Variants in COLEC12 observed in about 807,000 individuals in gnomAD.
The protein encoded by COLEC12 is collectin subfamily member 12, also known as collectin-12.
COLEC12 carries 33 observed loss-of-function variants against 71.1 expected under a neutral mutation model. The ratio of observed to expected loss-of-function variants is 0.46; its 90% CI spans 0.35 to 0.62. The LOEUF (loss-of-function observed/expected upper bound fraction) is 0.62. Ranked by LOEUF, COLEC12 falls within the 20% of genes least tolerant of loss-of-function variation. COLEC12 has a pLI of 0.00. For synonymous variants in COLEC12, 350 were observed against 353.0 expected (o/e 0.99, Z 0.10); for missense variants, 765 against 916.1 (o/e 0.84, Z 2.13).
At chr18:418,220 G>A (rs1331217952) in intron 2 of COLEC12, among the ~76,000 whole-genome samples, 1 of 152,082 alleles carries the variant, frequency 6.6e-6, no homozygotes, top group Non-Finnish European at 1.5e-5. Flanking sequence ...GTAGATAATG[G>A]GTATGGAGAT....
At chr18:320,557 T>C (rs1489638310) in intron 9 of COLEC12, among the ~76,000 whole-genome samples, 1 of 152,256 alleles carries the variant, frequency 6.6e-6, no homozygotes, top group Non-Finnish European at 1.5e-5. Flanking sequence ...AAAATATATT[T>C]GAGGTTTTTG....
At position 425,840 on chromosome 18, in the gene COLEC12, C is replaced by T. The variant is rs1369571868; in HGVS notation, c.58+54867G>A. Among the ~76,000 whole-genome samples, 7 of 152,150 alleles carry T rather than the reference C, an allele frequency of 4.6e-5. No individual in the cohort carries two copies. In the East Asian group the frequency reaches 1.3e-3, roughly 29 times the overall value. ...CCTGGTGAGTTTAAGAACTCACCAC[C>T]CCATCTCTTGTTCCACAGCCTCCTC... On this transcript the variant is annotated intron_variant, in intron 2 of 9. Transcript: ENST00000400256.
At position 479,307 on chromosome 18, in the gene COLEC12, C is replaced by T. The variant is rs540183753; in HGVS notation, c.58+1400G>A. ...AGGGGCGACGGGGCTGCACGCGGGC[C>T]GCTCTGCCAGGGAACCAACGCAGGA... On this transcript the variant is annotated intron_variant, in intron 2 of 9. Coordinates refer to ENST00000400256, the MANE Select transcript of COLEC12 (RefSeq NM_130386.3). Among the ~76,000 whole-genome samples the T allele has an allele frequency of 7.4e-4, 112 of 152,256 alleles. 2 individuals are homozygous for T. In the East Asian group the frequency reaches 8.7e-3, roughly 12 times the overall value.
At chr18:369,026 T>G (rs1007068074) in intron 2 of COLEC12, among the ~76,000 whole-genome samples, 1 of 152,206 alleles carries the variant, frequency 6.6e-6, no homozygotes, top group African/African-American at 2.4e-5. Flanking sequence ...GACTTTATAT[T>G]GGTAGCATGA....
intron 2 of COLEC12, among the ~76,000 whole-genome samples, chr18:380,659 G>A (rs941546254): frequency 6.6e-6 from 1 of 152,054 alleles, no homozygotes; most frequent in Non-Finnish European, 1.5e-5. Context: ...TAGGGGTGTG[G>A]GTTCCAGGTG....
intron 8 of COLEC12, among the ~76,000 whole-genome samples, chr18:322,765 G>GTC (rs941820037): frequency 1.2e-4 from 18 of 152,110 alleles, no homozygotes; most frequent in Non-Finnish European, 1.5e-4. Context: ...GCCACAGGGT[G>GTC]TCCTCGGGTC....
intron 2 of COLEC12, among the ~76,000 whole-genome samples, chr18:413,712 T>G (rs1382409612): frequency 6.6e-6 from 1 of 152,250 alleles, no homozygotes; most frequent in Non-Finnish European, 1.5e-5. Context: ...GTTTTATTCA[T>G]AATGCCCCCA....
Position 317,465 on chromosome 18 carries a change from G to A in COLEC12, c.*2580C>T, listed in dbSNP as rs1189416887. On this transcript the variant is annotated 3_prime_UTR_variant, in exon 10 of 10. Coordinates refer to ENST00000400256, the MANE Select transcript of COLEC12 (RefSeq NM_130386.3). The stretch of plus-strand genomic sequence containing the variant: ...CACCTCCCCAAGCCCCAGTCCCTGT[G>A]AAATGGGGAGTGTAGTAAGACCTGC... The A allele has an allele frequency of 6.6e-6, 1 of 152,256 alleles. No individual in the cohort carries two copies. The highest frequency in any genetic ancestry group is 1.5e-5 in the Non-Finnish European group (1 of 68,114). 9.4% of individuals were successfully genotyped at this position (152,256 alleles called of 1,614,324 possible).
At position 480,801 on chromosome 18, in the gene COLEC12, A is replaced by C. The variant is rs59735524; in HGVS notation, c.8-44T>G. ...CACGATGTTAATCCTGGCAAGGGGCACAGAAGCAGAGGGTGGGGCAGGATG... is the reference window on the plus strand; with the variant it reads ...CACGATGTTAATCCTGGCAAGGGGCCCAGAAGCAGAGGGTGGGGCAGGATG... On this transcript the variant is annotated intron_variant, in intron 1 of 9. Coordinates refer to ENST00000400256, the MANE Select transcript of COLEC12 (RefSeq NM_130386.3). The surrounding 1 kb of genome is among the most constrained non-coding windows in gnomAD (Gnocchi z 4.1). 34,362 of 1,560,678 alleles carry C rather than the reference A, an allele frequency of 0.022. 1,220 individuals are homozygous for C. Among genetic ancestry groups the C allele is most frequent in the East Asian group, 0.19 (8,660 of 44,608 alleles).
intron 2 of COLEC12, among the ~76,000 whole-genome samples, chr18:359,349 A>AT (rs766358937): frequency 2.0e-5 from 3 of 152,224 alleles, no homozygotes; most frequent in African/African-American, 4.8e-5. Flanking sequence ...GTTGTAATGT[A>AT]TTATAACCTA....
At chr18:365,243 G>T (rs192134346) in intron 2 of COLEC12, among the ~76,000 whole-genome samples, 1 of 152,292 alleles carries the variant, frequency 6.6e-6, no homozygotes, top group Admixed American at 6.5e-5. Flanking sequence ...ACATACTTAA[G>T]CAGCAAGTAA....
chr18:461,163 C>T (rs1316263049), intron 2 of COLEC12, among the ~76,000 whole-genome samples: 1 of 152,058 alleles, frequency 6.6e-6, no homozygotes, highest in African/African-American at 2.4e-5. Flanking sequence ...AAAAAACATG[C>T]CTTGAAAATC....
chr18:348,925 T>C (rs1326530740), intron 3 of COLEC12, among the ~76,000 whole-genome samples: 1 of 152,176 alleles, frequency 6.6e-6, no homozygotes, highest in African/African-American at 2.4e-5. Context: ...CTAATTCCCA[T>C]GTGTTGTGGG....
chr18:345,070 C>T (rs1340562552), intron 5 of COLEC12, among the ~76,000 whole-genome samples: 1 of 152,184 alleles, frequency 6.6e-6, no homozygotes, highest in African/African-American at 2.4e-5. Flanking sequence ...GACTCAGGCC[C>T]TTGTGTAATC....
intron 2 of COLEC12, among the ~76,000 whole-genome samples, chr18:456,312 C>G (rs1254917515): frequency 6.6e-6 from 1 of 152,180 alleles, no homozygotes; most frequent in African/African-American, 2.4e-5. Flanking sequence ...GTTCCACAAC[C>G]TTCATACAAA....
chr18:432,431 T>C (rs1916322213), intron 2 of COLEC12, among the ~76,000 whole-genome samples: 1 of 152,106 alleles, frequency 6.6e-6, no homozygotes, highest in African/African-American at 2.4e-5. Context: ...GCTACAAAAC[T>C]TCATTTAGTC....
chr18:321,076 T>G (rs1913692736), intron 9 of COLEC12, among the ~76,000 whole-genome samples: 2 of 152,220 alleles, frequency 1.3e-5, no homozygotes, highest in Non-Finnish European at 2.9e-5. Flanking sequence ...TTTTTTGAGA[T>G]GGAGTTTCGC....
intron 2 of COLEC12, among the ~76,000 whole-genome samples, chr18:401,853 C>T (rs536436790): frequency 2.6e-5 from 4 of 152,200 alleles, no homozygotes; most frequent in East Asian, 1.9e-4. Flanking sequence ...ACACTGGCCA[C>T]GCTACATGAT....
chr18:326,232 T>C (rs528735152), intron 8 of COLEC12, among the ~76,000 whole-genome samples: 3 of 152,338 alleles, frequency 2.0e-5, no homozygotes, highest in Admixed American at 2.0e-4. Flanking sequence ...CTTTGACCCA[T>C]GGGTTATTTA....
Sources: gnomAD v4.1 joint callset for allele counts (sites outside exome capture counted in the v4.1 genomes callset) on GRCh38, gnomAD v4.1.1 for gene constraint, Gnocchi (gnomAD v3.1) non-coding constraint, MANE v1.5 for transcripts, NCBI Gene and HGNC (gene_info 2026-07-23, HGNC 2026-07-21) for gene names.